Variants in KLHL14 observed in about 807,000 individuals in gnomAD.
KLHL14 encodes the protein kelch like family member 14.
Under a neutral mutation model 64.3 loss-of-function variants are expected in KLHL14, and 22 were observed. The ratio of observed to expected loss-of-function variants is 0.34; its 90% CI spans 0.24 to 0.49. The LOEUF (loss-of-function observed/expected upper bound fraction) is 0.49, where lower values mean the gene tolerates loss of function less well. Ranked by LOEUF, KLHL14 falls within the 20% of genes least tolerant of loss-of-function variation. The pLI is 0.99. For synonymous variants in KLHL14, 322 were observed against 333.4 expected (o/e 0.97, Z 0.37); for missense variants, 661 against 789.0 (o/e 0.84, Z 1.94).
chr18:32,770,138 C>T lies in KLHL14; in HGVS notation c.454G>A (p.Asp152Asn). The T allele has an allele frequency of 1.2e-6, 2 of 1,614,164 alleles. No individual in the cohort carries two copies. The highest frequency in any genetic ancestry group is 1.7e-6 in the Non-Finnish European group (2 of 1,180,038). The part of the protein sequence containing the change: ...LYTANVTLSL[D>N]TVEEVLSVSK... Reference sequence around the variant, plus strand: ...ACCGACAGCACCTCCTCCACCGTGTCCAGGGACAGGGTCACGTTGGCCGTG... The same window carrying T: ...ACCGACAGCACCTCCTCCACCGTGTTCAGGGACAGGGTCACGTTGGCCGTG... Residue 152 changes from aspartate (D) to asparagine (N), a missense_variant, in exon 2 of 9, where the codon GAC becomes AAC. Physicochemically the swap from Asp to Asn is conservative, Grantham distance 23. Transcript: ENST00000359358. This position sits in a 1 kb window ranked among gnomAD's most constrained non-coding sequence, Gnocchi z 6.7.
At chr18:32,721,271 T>C (rs1486940612) in intron 3 of KLHL14, among the ~76,000 whole-genome samples, 1 of 152,166 alleles carries the variant, frequency 6.6e-6, no homozygotes, top group Non-Finnish European at 1.5e-5. Flanking sequence ...CCCAGGCTTC[T>C]ATTTGTAGTC....
chr18:32,723,872 C>T (rs1011928251), intron 3 of KLHL14, among the ~76,000 whole-genome samples: 2 of 152,132 alleles, frequency 1.3e-5, no homozygotes, highest in Admixed American at 1.3e-4. Flanking sequence ...CCTGTTGGAA[C>T]CCTATGTTAT....
In KLHL14 at chr18:32,696,861, C is replaced by A. The variant is rs181635991; in HGVS notation, c.1070-1309G>T. On this transcript the variant is annotated intron_variant, in intron 3 of 8. Transcript: ENST00000359358. Reference sequence around the variant, plus strand: ...TACAGGTTTGAGACTCATAACACAGCCTCTGAAAGAGCAAATCAGATCATT... The same window carrying A: ...TACAGGTTTGAGACTCATAACACAGACTCTGAAAGAGCAAATCAGATCATT... Among the ~76,000 whole-genome samples, 811 of 152,210 alleles carry A rather than the reference C, an allele frequency of 5.3e-3. 2 individuals carry two copies. Among genetic ancestry groups the A allele is most frequent in the Middle Eastern group, 0.017 (5 of 294 alleles).
intron 7 of KLHL14, among the ~76,000 whole-genome samples, chr18:32,679,802 G>A (rs376841231): frequency 8.7e-4 from 132 of 152,150 alleles, no homozygotes; most frequent in African/African-American, 3.1e-3. Flanking sequence ...GATTACAGCA[G>A]AAAACAATTT....
chr18:32,768,430 CA>C (rs1568086872), intron 2 of KLHL14, among the ~76,000 whole-genome samples: 11 of 144,574 alleles, frequency 7.6e-5, no homozygotes, highest in Non-Finnish European at 1.4e-4. Flanking sequence ...CACACACACA[CA>C]CCATTTAATT....
At chr18:32,746,319 G>A (rs2050223418) in intron 2 of KLHL14, among the ~76,000 whole-genome samples, 1 of 152,190 alleles carries the variant, frequency 6.6e-6, no homozygotes, top group African/African-American at 2.4e-5. Context: ...GGAATCTGAA[G>A]GTCTCCTTTG....
At chr18:32,685,434 A>G (rs1258137248) in intron 5 of KLHL14, among the ~76,000 whole-genome samples, 2 of 152,162 alleles carry the variant, frequency 1.3e-5, no homozygotes, top group Non-Finnish European at 2.9e-5. Context: ...CATGGTGATG[A>G]GATGATGACA....
chr18:32,766,749 A>G (rs1264532096), intron 2 of KLHL14, among the ~76,000 whole-genome samples: 2 of 152,120 alleles, frequency 1.3e-5, no homozygotes, highest in Non-Finnish European at 2.9e-5. Context: ...TGCAACTGGT[A>G]TACTTAGAAA....
intron 3 of KLHL14, among the ~76,000 whole-genome samples, chr18:32,732,554 T>C (rs999102768): frequency 4.6e-5 from 7 of 152,214 alleles, no homozygotes; most frequent in African/African-American, 1.7e-4. Flanking sequence ...ATACGCCATG[T>C]TATTCAGGGC....
chr18:32,714,001 C>T (rs1187441772), intron 3 of KLHL14, among the ~76,000 whole-genome samples: 1 of 151,904 alleles, frequency 6.6e-6, no homozygotes, highest in African/African-American at 2.4e-5. Flanking sequence ...CATATTTTTG[C>T]ATGTTCCTGC....
At chr18:32,685,531 C>T (rs983437388) in intron 5 of KLHL14, among the ~76,000 whole-genome samples, 1 of 152,166 alleles carries the variant, frequency 6.6e-6, no homozygotes, top group Non-Finnish European at 1.5e-5. Context: ...GCTGTAATAA[C>T]AGCAACCAGG....
intron 1 of KLHL14, chr18:32,772,093 C>T: frequency 6.5e-6 from 1 of 154,552 alleles, no homozygotes; most frequent in South Asian, 5.3e-5. Flanking sequence ...ATCCCGCCCG[C>T]GCGCCGGCCC....
chr18:32,705,510 G>T lies in KLHL14; in HGVS notation c.1070-9958C>A, dbSNP rs1361094187. On this transcript the variant is annotated intron_variant, in intron 3 of 8. Transcript: ENST00000359358. ...GGCCTAGGCAGGTGGATCACTTGAG[G>T]CCACGAGTTTGAGACCAGCCTGGCC... 7.2e-5 allele frequency among the ~76,000 whole-genome samples: 11 copies of T among 152,148 alleles called. 2 individuals carry two copies. The highest frequency in any genetic ancestry group is 7.2e-4 in the Admixed American group (11 of 15,284).
intron 3 of KLHL14, among the ~76,000 whole-genome samples, chr18:32,731,024 G>A (rs1457771355): frequency 1.3e-5 from 2 of 152,066 alleles, no homozygotes; most frequent in Non-Finnish European, 2.9e-5. Flanking sequence ...AGGTCCTTAA[G>A]GTATCAGCAC....
intron 3 of KLHL14, among the ~76,000 whole-genome samples, chr18:32,727,438 T>C (rs1334332191): frequency 1.3e-5 from 2 of 152,210 alleles, no homozygotes; most frequent in African/African-American, 4.8e-5. Context: ...AGAACCATCA[T>C]GGATTGTCTT....
intron 5 of KLHL14, among the ~76,000 whole-genome samples, chr18:32,681,205 A>G (rs549937899): frequency 1.3e-5 from 2 of 152,290 alleles, no homozygotes; most frequent in East Asian, 3.9e-4. Flanking sequence ...GTTGATTCTT[A>G]AAAGGCTATA....
chr18:32,677,027 A>C (rs2049814638), intron 8 of KLHL14, 146 bp downstream of exon 8: 3 of 874,714 alleles, frequency 3.4e-6, no homozygotes, highest in Non-Finnish European at 5.2e-6. Context: ...GGCTGATCCT[A>C]TTTTACTATC....
chr18:32,717,825 A>G (rs1414632447), intron 3 of KLHL14, among the ~76,000 whole-genome samples: 6 of 152,216 alleles, frequency 3.9e-5, no homozygotes, highest in African/African-American at 1.4e-4. Flanking sequence ...ACAAGTCTTG[A>G]GTATGATGAA....
chr18:32,765,431 G>T (rs1598581636), intron 2 of KLHL14, among the ~76,000 whole-genome samples: 1 of 152,248 alleles, frequency 6.6e-6, no homozygotes, highest in East Asian at 1.9e-4. Flanking sequence ...CCTTCTGATT[G>T]TAGGATGTAA....
Sources: gnomAD v4.1 joint callset for allele counts (sites outside exome capture counted in the v4.1 genomes callset) on GRCh38, gnomAD v4.1.1 for gene constraint, Gnocchi (gnomAD v3.1) non-coding constraint, MANE v1.5 for transcripts, NCBI Gene and HGNC (gene_info 2026-07-23, HGNC 2026-07-21) for gene names.